The following PADI3 variants were observed in gnomAD, a reference collection of about 807,000 sequenced individuals.
The protein encoded by PADI3 is protein-arginine deiminase type-3.
In PADI3, 53 loss-of-function variants were observed where a neutral mutation model predicts 71.5. That is an observed-to-expected ratio of 0.74 (90% CI 0.59 to 0.93). The LOEUF (loss-of-function observed/expected upper bound fraction) is 0.93, where lower values mean the gene tolerates loss of function less well. Ranked by LOEUF, PADI3 falls within the 40% of genes least tolerant of loss-of-function variation. PADI3 has a pLI of 0.00. For missense variants in PADI3, 821 were observed against 868.0 expected, an observed-to-expected ratio of 0.95 and a Z score of 0.68; for synonymous variants, 361 against 347.5, an observed-to-expected ratio of 1.04 and a Z score of -0.43.
At chr1:17,274,911 A>T in intron 11 of PADI3, 125 bp downstream of exon 11, 1 of 1,031,964 alleles carries the variant, frequency 9.7e-7, no homozygotes, top group Non-Finnish European at 1.4e-6. Context: ...ATGAAATTAT[A>T]CTCCCGGATG....
intron 1 of PADI3, among the ~76,000 whole-genome samples, chr1:17,253,731 T>C (rs1312873033): frequency 6.6e-6 from 1 of 152,214 alleles, no homozygotes; most frequent in African/African-American, 2.4e-5. Context: ...CTGCCCTCAC[T>C]GGGAAGACAA....
Position 17,265,735 on chromosome 1 carries a change from C to T in PADI3, c.408+15C>T, listed in dbSNP as rs777384109. 2.2e-5 allele frequency: 36 copies of T among 1,613,084 alleles called. No individual in the cohort carries two copies. Among genetic ancestry groups the T allele is most frequent in the Non-Finnish European group, 2.3e-5 (27 of 1,179,186 alleles). The stretch of plus-strand genomic sequence containing the variant: ...TTGTAGACAAGGTAAGCATCTCTGC[C>T]TGGGCCCAGGAAGCAGGAGTGCAGT... On this transcript the variant is annotated intron_variant, in intron 4 of 15. Coordinates refer to ENST00000375460, the MANE Select transcript of PADI3 (RefSeq NM_016233.2).
chr1:17,250,275 G>T (rs958109698), intron 1 of PADI3, among the ~76,000 whole-genome samples: 1 of 152,132 alleles, frequency 6.6e-6, no homozygotes, highest in Non-Finnish European at 1.5e-5. Context: ...CTGCTGTCAC[G>T]ATACCTCTTT....
At chr1:17,273,896 T>C (rs2073289916) in intron 10 of PADI3, among the ~76,000 whole-genome samples, 2 of 152,084 alleles carry the variant, frequency 1.3e-5, no homozygotes, top group African/African-American at 2.4e-5. Context: ...TCAGTAAAAA[T>C]GACATTTTGG....
chr1:17,250,072 G>A (rs931866083), intron 1 of PADI3, among the ~76,000 whole-genome samples: 20 of 152,218 alleles, frequency 1.3e-4, no homozygotes, highest in Admixed American at 1.0e-3. Context: ...AGAAAAGAGG[G>A]TTAGGGTAGG....
In PADI3 at chr1:17,274,706, C is replaced by T. The variant is rs778186456; in HGVS notation, c.1227C>T (p.Asn409=). The T allele has an allele frequency of 1.5e-5, 25 of 1,613,672 alleles. No homozygotes were observed. The highest frequency in any genetic ancestry group is 2.2e-5 in the South Asian group (2 of 91,058). Residue 409 remains asparagine, a synonymous_variant, in exon 11 of 16, where the codon AAC becomes AAT. Coordinates refer to ENST00000375460, the MANE Select transcript of PADI3 (RefSeq NM_016233.2). ...TGAGTGGCCTGGACTCCTTTGGGAA[C>T]CTGGAGGTCAGCCCTCCAGTGGTGG... ...RSVSGLDSFG[N]LEVSPPVVAN...
rs1036965619 is a variant in PADI3, at chr1:17,274,880, G to A, written c.1307+94G>A. ...AGCAGGGGCCATTGCACTCCTTGAA[G>A]AGAGCCAGAAGCAAGGAATGATGAA... On this transcript the variant is annotated intron_variant, in intron 11 of 15. Transcript: ENST00000375460. 8 of 1,285,464 alleles carry A rather than the reference G, an allele frequency of 6.2e-6. No individual in the cohort carries two copies. The East Asian group carries it at 1.7e-4, about 27-fold the overall frequency. The allele number at this position is 1,285,464 out of a possible 1,614,324, so 79.6% of individuals were successfully genotyped here. A position where few individuals can be genotyped will look rare whatever the true frequency, so the allele number is the denominator to read the frequency against.
Position 17,276,435 on chromosome 1 carries a change from C to T in PADI3, c.1308-84C>T, listed in dbSNP as rs1051962177. On this transcript the variant is annotated intron_variant, in intron 11 of 15. Transcript: ENST00000375460. The stretch of plus-strand genomic sequence containing the variant: ...TTTGTTTTTTAAAAATCAGATATTG[C>T]AGGAATGCTAAACTCTTGTCATTTT... The T allele has an allele frequency of 5.0e-6, 7 of 1,399,974 alleles. No homozygotes were observed. In the African/African-American group the frequency reaches 8.6e-5, roughly 17 times the overall value. 86.7% of individuals were successfully genotyped at this position (1,399,974 alleles called of 1,614,324 possible).
chr1:17,274,710 G>C lies in PADI3; in HGVS notation c.1231G>C (p.Glu411Gln), dbSNP rs779471555. The change falls in exon 11 of 16, where the codon GAG becomes CAG. Residue 411 changes from glutamate (E) to glutamine (Q), a missense_variant. Glu to Gln is a conservative substitution (Grantham distance 29). Coordinates refer to ENST00000375460, the MANE Select transcript of PADI3 (RefSeq NM_016233.2). ...TGGCCTGGACTCCTTTGGGAACCTG[G>C]AGGTCAGCCCTCCAGTGGTGGCCAA... ...VSGLDSFGNL[E>Q]VSPPVVANGK... The C allele has an allele frequency of 3.1e-6, 5 of 1,613,820 alleles. No homozygotes were observed. The African/African-American group carries it at 6.7e-5, about 22-fold the overall frequency.
chr1:17,270,873 C>T lies in PADI3; in HGVS notation c.832-6C>T, dbSNP rs2073238236. On this transcript the variant is annotated splice_polypyrimidine_tract_variant and splice_region_variant and intron_variant, in intron 7 of 15. Transcript: ENST00000375460. ...GTGCTCTTTCTCCCCTGGTCTGCCC[C>T]TGCAGGATTTCTCGGCATCCCCTAT... is the stretch of plus-strand genomic sequence containing the variant. 1 of 1,611,970 alleles carries T rather than the reference C, an allele frequency of 6.2e-7. No homozygotes were observed. The highest frequency in any genetic ancestry group is 8.5e-7 in the Non-Finnish European group (1 of 1,178,088).
intron 1 of PADI3, among the ~76,000 whole-genome samples, chr1:17,256,594 T>A (rs1372338910): frequency 1.3e-5 from 2 of 152,174 alleles, no homozygotes; most frequent in Non-Finnish European, 2.9e-5. Flanking sequence ...GCAGGGGCGC[T>A]GGGCTGAAAC....
At chr1:17,252,416 T>G (rs1410763642) in intron 1 of PADI3, among the ~76,000 whole-genome samples, 1 of 145,824 alleles carries the variant, frequency 6.9e-6, no homozygotes, top group African/African-American at 2.5e-5. Context: ...TTTTTTTTTT[T>G]GTTGAAGACA....
At chr1:17,279,193 C>T (rs1256252752) in intron 13 of PADI3, among the ~76,000 whole-genome samples, 2 of 152,140 alleles carry the variant, frequency 1.3e-5, no homozygotes, top group South Asian at 2.1e-4. Context: ...ACCCCACCCT[C>T]GAGGGCTGAC....
At chr1:17,264,677 C>T (rs2100573202) in intron 3 of PADI3, among the ~76,000 whole-genome samples, 1 of 152,186 alleles carries the variant, frequency 6.6e-6, no homozygotes, top group Non-Finnish European at 1.5e-5. Context: ...GAGATTTATC[C>T]ACTTGTTGCA....
chr1:17,274,301 T>C (rs2073295486), intron 10 of PADI3, among the ~76,000 whole-genome samples: 1 of 152,212 alleles, frequency 6.6e-6, no homozygotes, highest in Non-Finnish European at 1.5e-5. Context: ...GGGCTGAACT[T>C]GCAGGAAGGC....
intron 3 of PADI3, among the ~76,000 whole-genome samples, chr1:17,265,222 C>T (rs1198228981): frequency 5.9e-5 from 9 of 151,996 alleles, no homozygotes; most frequent in East Asian, 1.9e-4. Context: ...TTGGGGACTG[C>T]GAGTAGCTCA....
chr1:17,276,128 A>G (rs2073326853), intron 11 of PADI3, among the ~76,000 whole-genome samples: 1 of 152,160 alleles, frequency 6.6e-6, no homozygotes, highest in African/African-American at 2.4e-5. Flanking sequence ...TGAGGTCAGG[A>G]GTTCGAGACC....
chr1:17,267,971 G>T lies in PADI3; in HGVS notation c.652+9G>T. ...GGTCTTCCACATCTGCGGTGAGTTT[G>T]TGCCACTGCCCCTTGCCATCTGTGC... On this transcript the variant is annotated intron_variant, in intron 6 of 15. Coordinates refer to ENST00000375460, the MANE Select transcript of PADI3 (RefSeq NM_016233.2). The T allele has an allele frequency of 1.9e-6, 3 of 1,613,952 alleles. No homozygotes were observed. Among genetic ancestry groups the T allele is most frequent in the Non-Finnish European group, 2.5e-6 (3 of 1,180,026 alleles).
At chr1:17,270,184 C>G (rs1408708866) in intron 6 of PADI3, 49 bp from the exon 7 acceptor site, 2 of 1,559,980 alleles carry the variant, frequency 1.3e-6, no homozygotes, top group Non-Finnish European at 8.7e-7. Flanking sequence ...CATACTCATG[C>G]TCCCTGGGCC....
Sources: gnomAD v4.1 joint callset for allele counts (sites outside exome capture counted in the v4.1 genomes callset) on GRCh38, gnomAD v4.1.1 for gene constraint, MANE v1.5 for transcripts, NCBI Gene and HGNC (gene_info 2026-07-23, HGNC 2026-07-21) for gene names.